The following FSCN3 variants were observed in gnomAD, a reference collection of about 807,000 sequenced individuals.
FSCN3 encodes the protein fascin actin-bundling protein 3.
In FSCN3, 43 loss-of-function variants were observed where a neutral mutation model predicts 53.5. That is an observed-to-expected ratio of 0.80 (90% CI 0.63 to 1.04). The LOEUF (loss-of-function observed/expected upper bound fraction) is 1.04, where lower values mean the gene tolerates loss of function less well. Ranked by LOEUF, FSCN3 falls within the 50% of genes least tolerant of loss-of-function variation. The pLI, the probability that FSCN3 is intolerant of heterozygous loss-of-function variation, is 0.00. For missense variants in FSCN3, 594 were observed against 646.5 expected, an observed-to-expected ratio of 0.92 and a Z score of 0.88; for synonymous variants, 235 against 246.6, an observed-to-expected ratio of 0.95 and a Z score of 0.44.
chr7:127,593,874 A>T lies in FSCN3; in HGVS notation c.21A>T (p.Ile7=). The T allele has an allele frequency of 1.3e-6, 2 of 1,574,200 alleles. No homozygotes were observed. Among genetic ancestry groups the T allele is most frequent in the Non-Finnish European group, 1.7e-6 (2 of 1,159,470 alleles). The change falls in exon 1 of 7, where the codon ATA becomes ATT. Residue 7 remains isoleucine (I), a synonymous_variant. Coordinates refer to ENST00000265825, the MANE Select transcript of FSCN3 (RefSeq NM_020369.3). ...GCCCCATGGATGAGACAGAGTGGATACACAGACATCCCAAGGCTGAGGACC... is the reference window on the plus strand; with the variant it reads ...GCCCCATGGATGAGACAGAGTGGATTCACAGACATCCCAAGGCTGAGGACC... MDETEW[I]HRHPKAEDLR...
chr7:127,595,258 G>A lies in FSCN3; in HGVS notation c.145-49G>A, dbSNP rs540448316. The A allele has an allele frequency of 7.8e-6, 12 of 1,534,084 alleles. No individual in the cohort carries two copies. In the South Asian group the frequency reaches 8.6e-5, roughly 11 times the overall value. On this transcript the variant is annotated intron_variant, in intron 1 of 6. Transcript: ENST00000265825. ...TGACAGTTGCAGGGCTCCTTGGTCT[G>A]GTAACTTCGTGATACTGATTTCCCT...
intron 3 of FSCN3, 52 bp from the exon 4 acceptor site, chr7:127,598,383 G>A: frequency 6.5e-7 from 1 of 1,543,068 alleles, no homozygotes; most frequent in Non-Finnish European, 8.9e-7. Flanking sequence ...TGGGAAGAAA[G>A]CTGAGATTGT....
intron 4 of FSCN3, among the ~76,000 whole-genome samples, chr7:127,598,896 G>T (rs1224012047): frequency 6.6e-6 from 1 of 151,736 alleles, no homozygotes; most frequent in Non-Finnish European, 1.5e-5. Flanking sequence ...GGACTTGGAG[G>T]TTGCAGTGAG....
chr7:127,596,127 G>T, intron 2 of FSCN3, 124 bp downstream of exon 2: 1 of 1,486,980 alleles, frequency 6.7e-7, no homozygotes, highest in South Asian at 1.4e-5. Flanking sequence ...GACCCAAGGG[G>T]ATCTTTTGTG....
chr7:127,601,417 C>T (rs1043533944), intron 6 of FSCN3, among the ~76,000 whole-genome samples: 1 of 152,218 alleles, frequency 6.6e-6, no homozygotes, highest in African/African-American at 2.4e-5. Flanking sequence ...TTGTTTTTTA[C>T]ATCACACAGA....
rs1794453539 is a variant in FSCN3, at chr7:127,600,241, C to A, written c.1339C>A (p.Pro447Thr). The A allele has an allele frequency of 1.2e-6, 2 of 1,611,528 alleles. No individual in the cohort carries two copies. Among genetic ancestry groups the A allele is most frequent in the Non-Finnish European group, 1.7e-6 (2 of 1,177,684 alleles). ...WSITSFGTFR[P>T]WGKFALNFCI... is the part of the protein sequence containing the mutation. ...AATAACATCCTTTGGCACCTTTCGC[C>A]CTTGGGGCAAGTTTGCCCTCAACTT... The change falls in exon 6 of 7, where the codon CCT (proline) becomes ACT (threonine). Residue 447 changes from proline (P) to threonine (T), a missense_variant. Physicochemically the swap from Pro to Thr is conservative, Grantham distance 38. Coordinates refer to ENST00000265825, the MANE Select transcript of FSCN3 (RefSeq NM_020369.3).
rs765472425 is a variant in FSCN3, at chr7:127,595,899, T to C, written c.737T>C (p.Met246Thr). 1.2e-6 allele frequency: 2 copies of C among 1,613,324 alleles called. No homozygotes were observed. The highest frequency in any genetic ancestry group is 4.5e-5 in the East Asian group (2 of 44,884). Residue 246 changes from methionine (M) to threonine (T), a missense_variant, in exon 2 of 7, where the codon ATG (methionine) becomes ACG (threonine). By Grantham distance (81) the Met-to-Thr change is moderately conservative. Transcript: ENST00000265825. ...CAGGGCACGCATCTGCTCTTGGGCA[T>C]GGGCTGCAACCCCATGAGGGGTGAG... ...YPQGTHLLLG[M>T]GCNPMRGEEW... is the part of the protein sequence containing the mutation.
chr7:127,601,866 C>G lies in FSCN3; in HGVS notation c.*244C>G, dbSNP rs1794482197. The G allele has an allele frequency of 6.6e-6, 1 of 152,192 alleles. No individual in the cohort carries two copies. The highest frequency in any genetic ancestry group is 2.4e-5 in the African/African-American group (1 of 41,440). The allele number at this position is 152,192 out of a possible 1,614,324, so 9.4% of individuals were successfully genotyped here. On this transcript the variant is annotated 3_prime_UTR_variant, in exon 7 of 7. Coordinates refer to ENST00000265825, the MANE Select transcript of FSCN3 (RefSeq NM_020369.3). The stretch of plus-strand genomic sequence containing the variant: ...TGAGGGTTGAAACAGACACCCCAGG[C>G]TGCTCTAAGTTCTATACAGGAGAGA...
chr7:127,594,608 G>T (rs1794356307), intron 1 of FSCN3: 1 of 471,046 alleles, frequency 2.1e-6, no homozygotes, highest in Non-Finnish European at 4.4e-6. Flanking sequence ...TCCAGGGGAA[G>T]TTGGACCAGT....
intron 1 of FSCN3, chr7:127,594,456 C>T (rs767682654): frequency 4.7e-5 from 22 of 470,464 alleles, no homozygotes; most frequent in Non-Finnish European, 8.4e-5. Context: ...GCCCTTGCTG[C>T]CTTGTCCTGC....
At chr7:127,597,693 T>G (rs1283277053) in intron 3 of FSCN3, among the ~76,000 whole-genome samples, 1 of 152,164 alleles carries the variant, frequency 6.6e-6, no homozygotes, top group Non-Finnish European at 1.5e-5. Flanking sequence ...TTGGCCAGGC[T>G]GGTCTCGAAC....
intron 5 of FSCN3, 68 bp downstream of exon 5, chr7:127,599,619 T>C: frequency 1.4e-6 from 2 of 1,451,898 alleles, no homozygotes; most frequent in South Asian, 1.2e-5. Flanking sequence ...AGCTCAGACT[T>C]CAGGGCCTGC....
rs200283525 is a variant in FSCN3 at position 127,600,315 on chromosome 7, T to A, written c.1413T>A (p.Asn471Lys). Residue 471 changes from asparagine to lysine, a missense_variant, in exon 6 of 7, where the codon AAT becomes AAA. By Grantham distance (94) the Asn-to-Lys change is moderately conservative. Transcript: ENST00000265825. ...ACTTACTCACTGTACTGGCCCCCAA[T>A]GGCTTCTACATGCGAGCCGACCAAA... Reference protein sequence around the residue: ...GSNLLTVLAPNGFYMRADQSG... With the variant: ...GSNLLTVLAPKGFYMRADQSG... The A allele has an allele frequency of 5.1e-5, 82 of 1,612,898 alleles. No individual in the cohort carries two copies. The highest frequency in any genetic ancestry group is 7.0e-5 in the Non-Finnish European group (82 of 1,178,806).
chr7:127,597,321 T>C (rs896789263), intron 3 of FSCN3, among the ~76,000 whole-genome samples: 7 of 152,222 alleles, frequency 4.6e-5, no homozygotes, highest in African/African-American at 1.7e-4. Context: ...ATTATACTAT[T>C]TTACATTCTT....
rs142496593 is a variant in FSCN3 at position 127,599,805 on chromosome 7, C to T, written c.1291+254C>T. On this transcript the variant is annotated intron_variant, in intron 5 of 6. Coordinates refer to ENST00000265825, the MANE Select transcript of FSCN3 (RefSeq NM_020369.3). ...CTAAAAATACAAAAAATTAGCCGGG[C>T]GTGGTGGCGGGTGCCTGTAGTCTCA... Among the ~76,000 whole-genome samples, 68 of 151,974 alleles carry T rather than the reference C, an allele frequency of 4.5e-4. 2 individuals are homozygous for T. In the Middle Eastern group the frequency reaches 0.01, roughly 23 times the overall value.
In FSCN3 at chr7:127,600,256, G is replaced by A; in HGVS notation, c.1354G>A (p.Ala452Thr). ...FGTFRPWGKF[A>T]LNFCIELQGS... is the part of the protein sequence containing the mutation. Reference sequence around the variant, plus strand: ...CACCTTTCGCCCTTGGGGCAAGTTTGCCCTCAACTTCTGTATCGAGCTTCA... The same window carrying A: ...CACCTTTCGCCCTTGGGGCAAGTTTACCCTCAACTTCTGTATCGAGCTTCA... Residue 452 changes from alanine (A) to threonine (T), a missense_variant, in exon 6 of 7, where the codon GCC becomes ACC. Transcript: ENST00000265825. 6.2e-7 allele frequency: 1 copy of A among 1,610,176 alleles called. No individual in the cohort carries two copies. Among genetic ancestry groups the A allele is most frequent in the Admixed American group, 1.7e-5 (1 of 60,034 alleles).
In FSCN3 at chr7:127,595,299, GC is replaced by G. The variant is rs1794368662; in HGVS notation, c.145-6del. ...TGATTTCCCTCTTCTCCCTCCTGAT[GC>G]CTCCAGACCTGGGAGATCTTGGTGA... On this transcript the variant is annotated splice_polypyrimidine_tract_variant and splice_region_variant and intron_variant, in intron 1 of 6. Coordinates refer to ENST00000265825, the MANE Select transcript of FSCN3 (RefSeq NM_020369.3). 1 of 1,599,526 alleles carries G rather than the reference GC, an allele frequency of 6.3e-7. No homozygotes were observed. The highest frequency in any genetic ancestry group is 8.5e-7 in the Non-Finnish European group (1 of 1,171,172).
Position 127,596,365 on chromosome 7 carries a change from A to G in FSCN3, c.879A>G (p.Arg293=). The G allele has an allele frequency of 6.2e-7, 1 of 1,613,204 alleles. No individual in the cohort carries two copies. Among genetic ancestry groups the G allele is most frequent in the Non-Finnish European group, 8.5e-7 (1 of 1,179,210 alleles). Residue 293 remains arginine (R), a synonymous_variant, in exon 3 of 7, where the codon CGA becomes CGG. Coordinates refer to ENST00000265825, the MANE Select transcript of FSCN3 (RefSeq NM_020369.3). ...GTGCTGCTTCTGAGCGCTTAAACCG[A>G]ATGTCCTTGTTCCAGTTTGAATGTG... The part of the protein sequence containing the change: ...EVRAASERLN[R]MSLFQFECDS...
intron 2 of FSCN3, 104 bp downstream of exon 2, chr7:127,596,107 A>G: frequency 6.7e-7 from 1 of 1,484,548 alleles, no homozygotes; most frequent in Non-Finnish European, 8.9e-7. Context: ...CTAATAAGGA[A>G]GATCCTGGGG....
Sources: allele counts gnomAD v4.1 joint callset (sites outside exome capture counted in the v4.1 genomes callset), GRCh38; gene constraint gnomAD v4.1.1; transcripts MANE v1.5; gene names NCBI Gene and HGNC (gene_info 2026-07-23, HGNC 2026-07-21).